Variants in GPHN observed in about 807,000 individuals in gnomAD.
GPHN encodes gephyrin.
In GPHN, 17 loss-of-function variants were observed where a neutral mutation model predicts 95.5. The observed-to-expected ratio is 0.18, with a 90% CI of 0.12 to 0.27. The LOEUF is 0.27. Among genes scored for constraint, GPHN ranks in the 10% least tolerant of loss-of-function variants. The pLI is 1.00. For synonymous variants in GPHN, 320 were observed against 322.5 expected (o/e 0.99, Z 0.08); for missense variants, 660 against 978.1 (o/e 0.67, Z 4.34).
At chr14:67,501,664 C>T in the GPHN span, among the ~76,000 whole-genome samples, 3 of 152,164 alleles carry the variant, frequency 2.0e-5, no homozygotes, top group Non-Finnish European at 4.4e-5. Flanking sequence ...GTTTGAAGAG[C>T]CCAAAGACCT....
chr14:67,724,874 C>T, the GPHN span, among the ~76,000 whole-genome samples: 3 of 152,130 alleles, frequency 2.0e-5, no homozygotes, highest in Non-Finnish European at 4.4e-5. Flanking sequence ...CATTAAATAT[C>T]AGAATGTAAA....
At chr14:67,154,464 AGG>A (rs1194399429) in intron 18 of GPHN, among the ~76,000 whole-genome samples, 4 of 152,164 alleles carry the variant, frequency 2.6e-5, no homozygotes, top group African/African-American at 4.8e-5. Context: ...TCTTTGTGTC[AGG>A]GACTATGTCT....
At chr14:67,727,503 C>T in the GPHN span, 1 of 331,604 alleles carries the variant, frequency 3.0e-6, no homozygotes, top group Non-Finnish European at 5.6e-6. Context: ...TTTTTTGAGA[C>T]TTGAGTTTCG....
At chr14:67,733,856 A>G in the GPHN span, 1 of 1,595,794 alleles carries the variant, frequency 6.3e-7, no homozygotes, top group Non-Finnish European at 8.6e-7. Flanking sequence ...TAGCTGGTGG[A>G]AGAGCTGCAG....
the GPHN span, among the ~76,000 whole-genome samples, chr14:67,399,281 C>G: frequency 6.9e-6 from 1 of 144,524 alleles, no homozygotes; most frequent in African/African-American, 2.7e-5. Flanking sequence ...TTAGGTGGTT[C>G]TCAGGTGGCA....
In GPHN at chr14:66,886,902, A is replaced by G. The variant is rs373928430; in HGVS notation, c.389+6869A>G. ...GTAATTGACAAATTGCTAGAGGTTC[A>G]GTGCAGACAACTATGAGAGTTAAAA... On this transcript the variant is annotated intron_variant, in intron 5 of 22. Transcript: ENST00000478722. 4.6e-4 allele frequency among the ~76,000 whole-genome samples: 70 copies of G among 152,340 alleles called. No individual in the cohort carries two copies. In the Middle Eastern group the frequency reaches 0.01, roughly 22 times the overall value.
chr14:66,597,302 T>C (rs890888305), intron 1 of GPHN, among the ~76,000 whole-genome samples: 2 of 152,200 alleles, frequency 1.3e-5, no homozygotes, highest in African/African-American at 2.4e-5. Context: ...ATCCAGATTT[T>C]TTATATTACG....
At chr14:66,674,035 T>C (rs1293102558) in intron 1 of GPHN, among the ~76,000 whole-genome samples, 1 of 152,148 alleles carries the variant, frequency 6.6e-6, no homozygotes, top group African/African-American at 2.4e-5. Context: ...AAATATACAA[T>C]AAATTCTAGT....
At chr14:67,098,528 G>T (rs2077517058) in intron 12 of GPHN, among the ~76,000 whole-genome samples, 1 of 152,002 alleles carries the variant, frequency 6.6e-6, no homozygotes, top group Non-Finnish European at 1.5e-5. Flanking sequence ...AAAGAAAATG[G>T]GTCAGGCGCG....
At chr14:67,699,421 A>C in the GPHN span, among the ~76,000 whole-genome samples, 1 of 151,852 alleles carries the variant, frequency 6.6e-6, no homozygotes, top group East Asian at 1.9e-4. Flanking sequence ...TGAATAAATA[A>C]ACAAAAAATA....
At chr14:66,978,781 A>C (rs1263724720) in intron 9 of GPHN, among the ~76,000 whole-genome samples, 1 of 152,198 alleles carries the variant, frequency 6.6e-6, no homozygotes, top group Non-Finnish European at 1.5e-5. Context: ...ATGGTTTTCA[A>C]TTTACTTTGC....
At chr14:66,856,717 A>G (rs147469929) in intron 4 of GPHN, among the ~76,000 whole-genome samples, 1 of 152,242 alleles carries the variant, frequency 6.6e-6, no homozygotes, top group Non-Finnish European at 1.5e-5. Context: ...TATTGAAATA[A>G]TATGCAAAAA....
the GPHN span, chr14:67,733,701 G>A: frequency 7.7e-7 from 1 of 1,294,564 alleles, no homozygotes; most frequent in Non-Finnish European, 1.1e-6. Context: ...TTTCCAGACT[G>A]CTAATTCTCA....
At chr14:67,349,130 T>G in the GPHN span, 1 of 1,606,982 alleles carries the variant, frequency 6.2e-7, no homozygotes, top group Non-Finnish European at 8.5e-7. Context: ...AAGACTTTAT[T>G]TAGCAGACTC....
At chr14:67,081,351 CTGATCA>C (rs1367401843) in intron 11 of GPHN, among the ~76,000 whole-genome samples, 6 of 152,176 alleles carry the variant, frequency 3.9e-5, no homozygotes. Flanking sequence ...TTGCATTTTC[CTGATCA>C]TTGGCGATTT....
At chr14:67,339,666 C>T in the GPHN span, among the ~76,000 whole-genome samples, 1 of 152,198 alleles carries the variant, frequency 6.6e-6, no homozygotes. Context: ...GATTTATATA[C>T]TATTTGGTAA....
chr14:67,528,752 G>C, the GPHN span, among the ~76,000 whole-genome samples: 14 of 152,058 alleles, frequency 9.2e-5, no homozygotes, highest in Admixed American at 2.0e-4. Flanking sequence ...GCATTGATAT[G>C]TGTTGTAATT....
rs561791806 is a variant in GPHN at position 67,008,525 on chromosome 14, C to T, written c.964-15108C>T. Among the ~76,000 whole-genome samples the T allele has an allele frequency of 6.8e-4, 103 of 151,428 alleles. 2 individuals are homozygous for T. The South Asian group carries it at 0.022, about 32-fold the overall frequency. On this transcript the variant is annotated intron_variant, in intron 9 of 22. Coordinates refer to ENST00000478722, the MANE Select transcript of GPHN (RefSeq NM_020806.5). ...AAATACCTGTCTTTTCTCTTACACA[C>T]ATCTTTTTTTAAAATTTATTTATTT... is the stretch of plus-strand genomic sequence containing the variant.
At chr14:67,180,136 G>T (rs1243797578) in intron 22 of GPHN, among the ~76,000 whole-genome samples, 1 of 152,198 alleles carries the variant, frequency 6.6e-6, no homozygotes, top group African/African-American at 2.4e-5. Flanking sequence ...TGATAATGCA[G>T]AGTTCTACAG....
Sources: allele counts gnomAD v4.1 joint callset (sites outside exome capture counted in the v4.1 genomes callset), GRCh38; gene constraint gnomAD v4.1.1; transcripts MANE v1.5; gene names NCBI Gene and HGNC (gene_info 2026-07-23, HGNC 2026-07-21).